MEF2C: variants seen among roughly 807,000 people sequenced by gnomAD.
MEF2C encodes the protein myocyte-specific enhancer factor 2C.
Under a neutral mutation model 50.5 loss-of-function variants are expected in MEF2C, and 6 were observed. That is an observed-to-expected ratio of 0.12 (90% CI 0.07 to 0.23). MEF2C has a LOEUF of 0.23. Among genes scored for constraint, MEF2C ranks in the 10% least tolerant of loss-of-function variants. The pLI is 1.00. For synonymous variants in MEF2C, 183 were observed against 228.0 expected (o/e 0.80, Z 1.78); for missense variants, 276 against 605.0 (o/e 0.46, Z 5.70).
At chr5:88,799,984 TC>T (rs1486407462) in intron 3 of MEF2C, among the ~76,000 whole-genome samples, 1 of 151,678 alleles carries the variant, frequency 6.6e-6, no homozygotes, top group Non-Finnish European at 1.5e-5. Flanking sequence ...CAGTTGTGAA[TC>T]AAAGGTTTCT....
intron 4 of MEF2C, among the ~76,000 whole-genome samples, chr5:88,752,977 A>AC (rs1161141143): frequency 6.6e-6 from 1 of 152,218 alleles, no homozygotes; most frequent in Non-Finnish European, 1.5e-5. Context: ...TATAAAATGG[A>AC]CATATATATG....
chr5:88,796,485 T>A (rs190690109), intron 3 of MEF2C, among the ~76,000 whole-genome samples: 13 of 152,290 alleles, frequency 8.5e-5, no homozygotes, highest in African/African-American at 3.1e-4. Flanking sequence ...AGTGGTAATA[T>A]CTTCTTTATC....
intron 1 of MEF2C, among the ~76,000 whole-genome samples, chr5:88,881,837 T>C (rs1013025870): frequency 3.9e-5 from 6 of 152,052 alleles, no homozygotes; most frequent in African/African-American, 1.4e-4. Context: ...TTAGAGTTAG[T>C]TTCAGATTCA....
intron 1 of MEF2C, among the ~76,000 whole-genome samples, chr5:88,844,206 C>G (rs116187762): frequency 3.1e-3 from 466 of 152,316 alleles, no homozygotes; most frequent in Non-Finnish European, 5.1e-3. Flanking sequence ...TAATCTCAGG[C>G]AAATTCGTAA....
intron 3 of MEF2C, among the ~76,000 whole-genome samples, chr5:88,802,786 T>C (rs773377930): frequency 2.0e-5 from 3 of 152,224 alleles, no homozygotes; most frequent in Admixed American, 6.5e-5. Flanking sequence ...AGTCATATAA[T>C]ATATTCCTAA....
intron 1 of MEF2C, among the ~76,000 whole-genome samples, chr5:88,836,813 T>A (rs781548141): frequency 5.9e-5 from 9 of 151,980 alleles, no homozygotes; most frequent in Admixed American, 1.3e-4. Context: ...GTACTATAGA[T>A]CAGAAGTTAC....
chr5:88,777,309 T>C (rs1227115338), intron 3 of MEF2C, among the ~76,000 whole-genome samples: 1 of 152,196 alleles, frequency 6.6e-6, no homozygotes, highest in Non-Finnish European at 1.5e-5. Context: ...ACCTACCATT[T>C]ACCAAGCATG....
chr5:88,844,567 T>G (rs1251948479), intron 1 of MEF2C: 31 of 664,386 alleles, frequency 4.7e-5, no homozygotes, highest in Non-Finnish European at 5.8e-5. Flanking sequence ...GTTACCACTC[T>G]TTGAAAACTG....
At chr5:88,822,682 T>C (rs371730080) in intron 2 of MEF2C, among the ~76,000 whole-genome samples, 2 of 152,018 alleles carry the variant, frequency 1.3e-5, no homozygotes, top group East Asian at 3.9e-4. Context: ...GTCCTATTTG[T>C]ATGTCCAAGA....
chr5:88,817,415 A>G (rs1011116913), intron 2 of MEF2C, among the ~76,000 whole-genome samples: 1 of 152,012 alleles, frequency 6.6e-6, no homozygotes, highest in African/African-American at 2.4e-5. Flanking sequence ...TCTACACTGA[A>G]CACATTTTTC....
intron 1 of MEF2C, among the ~76,000 whole-genome samples, chr5:88,858,568 A>G (rs2153415677): frequency 6.6e-6 from 1 of 152,296 alleles, no homozygotes; most frequent in South Asian, 2.1e-4. Context: ...TGATAAGGGT[A>G]TGGATTCTGG....
In MEF2C at chr5:88,721,836, C is replaced by T. The variant is rs1003408612; in HGVS notation, c.*768G>A. On this transcript the variant is annotated 3_prime_UTR_variant, in exon 11 of 11. Transcript: ENST00000504921. Reference sequence around the variant, plus strand: ...CGAAGCTATCAAGGGGAAAAAAACACATTTTGGCTTAAGTAAACTACAAAA... The same window carrying T: ...CGAAGCTATCAAGGGGAAAAAAACATATTTTGGCTTAAGTAAACTACAAAA... 1.3e-5 allele frequency: 2 copies of T among 152,550 alleles called. No individual in the cohort carries two copies. The highest frequency in any genetic ancestry group is 2.9e-5 in the Non-Finnish European group (2 of 67,990). 9.4% of individuals were successfully genotyped at this position (152,550 alleles called of 1,614,324 possible).
intron 1 of MEF2C, among the ~76,000 whole-genome samples, chr5:88,835,609 C>T (rs1042162328): frequency 2.0e-5 from 3 of 151,818 alleles, no homozygotes; most frequent in South Asian, 2.1e-4. Context: ...TTCAGGAGTT[C>T]GAGACCAGCC....
chr5:88,728,503 T>C lies in MEF2C; in HGVS notation c.1090A>G (p.Ser364Gly). The C allele has an allele frequency of 6.7e-7, 1 of 1,500,572 alleles. No homozygotes were observed. Among genetic ancestry groups the C allele is most frequent in the Non-Finnish European group, 8.9e-7 (1 of 1,121,862 alleles). The allele number at this position is 1,500,572 out of a possible 1,614,324, so 93.0% of individuals were successfully genotyped here. ...HLHNMPPSAL[S>G]QLGACTSTHL... ...AATAATATTGCTTACCCCAACTGACTGAGGGCAGATGGTGGCATGTTATGT... is the reference window on the plus strand; with the variant it reads ...AATAATATTGCTTACCCCAACTGACCGAGGGCAGATGGTGGCATGTTATGT... The change falls in exon 10 of 11, where the codon AGT (serine) becomes GGT (glycine). Residue 364 changes from serine to glycine, a missense_variant. By Grantham distance (56) the Ser-to-Gly change is moderately conservative. Around this residue, in one of 2 missense-constraint regions of MEF2C, gnomAD observed 256 missense variants for 468.1 expected, o/e 0.55. Coordinates refer to ENST00000504921, the MANE Select transcript of MEF2C (RefSeq NM_002397.5).
chr5:88,872,404 G>A (rs889267743), intron 1 of MEF2C, among the ~76,000 whole-genome samples: 1 of 151,876 alleles, frequency 6.6e-6, no homozygotes, highest in African/African-American at 2.4e-5. Context: ...CATCAAATCT[G>A]TGAAAGGTTT....
intron 1 of MEF2C, chr5:88,881,135 T>C (rs1832702592): frequency 6.6e-6 from 1 of 152,202 alleles, no homozygotes; most frequent in South Asian, 2.1e-4. Flanking sequence ...TACTGTCTCT[T>C]TGACGGGAGA....
chr5:88,742,893 T>C, intron 6 of MEF2C: 1 of 984,910 alleles, frequency 1.0e-6, no homozygotes, highest in Non-Finnish European at 1.2e-6. Flanking sequence ...GACTAGGTTT[T>C]TTTTTTTCTT....
rs1755104525 is a variant in MEF2C, at chr5:88,717,490, A to G, written c.*5114T>C. ...ATCCTGGAATCACCACATGAGTTAC[A>G]TATAATAATTGCTTAATACATGTTT... is the stretch of plus-strand genomic sequence containing the variant. On this transcript the variant is annotated 3_prime_UTR_variant, in exon 11 of 11. Coordinates refer to ENST00000504921, the MANE Select transcript of MEF2C (RefSeq NM_002397.5). 6.6e-6 allele frequency: 1 copy of G among 152,228 alleles called. No individual in the cohort carries two copies. The highest frequency in any genetic ancestry group is 1.5e-5 in the Non-Finnish European group (1 of 68,030). The allele number at this position is 152,228 out of a possible 1,614,324, so 9.4% of individuals were successfully genotyped here.
chr5:88,862,039 C>T (rs1825687065), intron 1 of MEF2C, among the ~76,000 whole-genome samples: 1 of 152,164 alleles, frequency 6.6e-6, no homozygotes, highest in Non-Finnish European at 1.5e-5. Flanking sequence ...CCTCCCTCCA[C>T]ATGAAACAGG....
Sources: gnomAD v4.1 joint callset for allele counts (sites outside exome capture counted in the v4.1 genomes callset) on GRCh38, gnomAD v4.1.1 for gene constraint, gnomAD v4.1.1 regional missense constraint, MANE v1.5 for transcripts, NCBI Gene and HGNC (gene_info 2026-07-23, HGNC 2026-07-21) for gene names.